Variants in WNK1 observed in about 807,000 individuals in gnomAD.
WNK1 encodes serine/threonine-protein kinase WNK1.
A neutral mutation model predicts 222.8 loss-of-function variants in WNK1; 38 were observed. The ratio of observed to expected loss-of-function variants is 0.17; its 90% CI spans 0.13 to 0.22. The LOEUF is 0.22. Ranked by LOEUF, WNK1 falls within the 10% of genes least tolerant of loss-of-function variation. The pLI is 1.00. For missense variants in WNK1, 2,348 were observed against 2,918.4 expected (o/e 0.80, Z 4.50); for synonymous variants, 1,090 against 1,092.9 (o/e 1.00, Z 0.05).
intron 21 of WNK1, 39 bp downstream of exon 21, chr12:889,262 C>T (rs1417871935): frequency 2.6e-6 from 4 of 1,528,168 alleles, no homozygotes; most frequent in Non-Finnish European, 2.7e-6. Flanking sequence ...CCTCATAACC[C>T]TAATATATTA....
At chr12:812,196 T>C (rs1317407536) in intron 1 of WNK1, among the ~76,000 whole-genome samples, 1 of 152,206 alleles carries the variant, frequency 6.6e-6, no homozygotes, top group Non-Finnish European at 1.5e-5. Context: ...ATGGGTTGTG[T>C]TGGACTTAAC....
At chr12:903,636 G>A (rs72650778) in intron 26 of WNK1, among the ~76,000 whole-genome samples, 50 of 152,246 alleles carry the variant, frequency 3.3e-4, no homozygotes, top group African/African-American at 9.9e-4. Flanking sequence ...AAATGAAAGT[G>A]GTCAGAAATA....
chr12:797,852 G>A (rs1436410243), intron 1 of WNK1, among the ~76,000 whole-genome samples: 2 of 151,316 alleles, frequency 1.3e-5, no homozygotes, highest in Non-Finnish European at 2.9e-5. Context: ...AGGAGGCTGA[G>A]ACAGGATAAT....
chr12:869,944 A>G (rs1360063294), intron 8 of WNK1, among the ~76,000 whole-genome samples: 4 of 152,310 alleles, frequency 2.6e-5, no homozygotes, highest in South Asian at 4.1e-4. Flanking sequence ...CACTTAGCAA[A>G]TAAAGACAAT....
intron 8 of WNK1, chr12:865,177 C>T (rs72649836): frequency 6.7e-7 from 1 of 1,500,668 alleles, no homozygotes; most frequent in Non-Finnish European, 8.9e-7. Flanking sequence ...TGTCCCGCAT[C>T]TCTCCCAGTG....
chr12:825,767 T>G (rs895055150), intron 2 of WNK1, among the ~76,000 whole-genome samples: 1 of 152,204 alleles, frequency 6.6e-6, no homozygotes, highest in African/African-American at 2.4e-5. Context: ...TAATAGAATA[T>G]GTAAGCATAT....
At chr12:868,726 T>A (rs764815768) in intron 8 of WNK1, 3 of 1,613,826 alleles carry the variant, frequency 1.9e-6, no homozygotes, top group African/African-American at 2.7e-5. Context: ...TGGACTTGAA[T>A]CAAGAAGAAC....
chr12:886,928 C>G (rs975670896), intron 19 of WNK1, among the ~76,000 whole-genome samples: 1 of 152,182 alleles, frequency 6.6e-6, no homozygotes, highest in Non-Finnish European at 1.5e-5. Context: ...AATATCTGGA[C>G]ACTGCCACTT....
chr12:856,292 A>G (rs1230164164), intron 4 of WNK1, among the ~76,000 whole-genome samples: 2 of 151,662 alleles, frequency 1.3e-5, no homozygotes, highest in Non-Finnish European at 2.9e-5. Context: ...CATCTGTACT[A>G]AAAATACAAA....
intron 1 of WNK1, among the ~76,000 whole-genome samples, chr12:777,284 T>G (rs2153961441): frequency 6.6e-6 from 1 of 151,550 alleles, no homozygotes; most frequent in Non-Finnish European, 1.5e-5. Flanking sequence ...CTCAGCCTCC[T>G]CAGTAGCTGG....
intron 8 of WNK1, among the ~76,000 whole-genome samples, chr12:870,339 AGTAAAAAATACCAG>A (rs1952035106): frequency 6.6e-6 from 1 of 152,218 alleles, no homozygotes; most frequent in Non-Finnish European, 1.5e-5. Context: ...GACTTTCCAA[AGTAAAAAATACCAG>A]GTAGTTAATT....
chr12:872,251 G>A (rs1256476239), intron 9 of WNK1, among the ~76,000 whole-genome samples: 3 of 152,046 alleles, frequency 2.0e-5, no homozygotes, highest in Non-Finnish European at 2.9e-5. Context: ...TCAGCCGCCC[G>A]AGTAGCTGGG....
At chr12:857,551 T>C (rs1219178877) in intron 5 of WNK1, among the ~76,000 whole-genome samples, 1 of 152,212 alleles carries the variant, frequency 6.6e-6, no homozygotes. Flanking sequence ...AAAAAAGAGT[T>C]TAATATCTAA....
chr12:898,458 C>T (rs1467962980), intron 25 of WNK1, among the ~76,000 whole-genome samples: 1 of 135,786 alleles, frequency 7.4e-6, no homozygotes, highest in Non-Finnish European at 1.5e-5. Flanking sequence ...ACTCCAGCCT[C>T]GGTGACAGAG....
At chr12:842,655 G>GTC (rs1045059575) in intron 4 of WNK1, among the ~76,000 whole-genome samples, 4 of 151,914 alleles carry the variant, frequency 2.6e-5, no homozygotes, top group African/African-American at 9.7e-5. Context: ...GTCCTTTTTT[G>GTC]TCAAGACCCA....
chr12:809,736 C>G (rs1300739557), intron 1 of WNK1, among the ~76,000 whole-genome samples: 1 of 152,022 alleles, frequency 6.6e-6, no homozygotes, highest in Non-Finnish European at 1.5e-5. Context: ...GCTGTTATAC[C>G]ATATAGGCCT....
At chr12:855,576 A>G (rs961976282) in intron 4 of WNK1, among the ~76,000 whole-genome samples, 1 of 152,156 alleles carries the variant, frequency 6.6e-6, no homozygotes, top group African/African-American at 2.4e-5. Context: ...CATTGACACT[A>G]TAGATAATCA....
intron 3 of WNK1, 120 bp from the exon 4 acceptor site, chr12:829,883 C>CT: frequency 9.3e-7 from 1 of 1,073,852 alleles, no homozygotes; most frequent in Non-Finnish European, 1.4e-6. Flanking sequence ...TCCCCCTTTC[C>CT]TTTTTTCTCC....
chr12:856,178 T>C (rs564199625), intron 4 of WNK1, among the ~76,000 whole-genome samples: 1 of 151,100 alleles, frequency 6.6e-6, no homozygotes, highest in East Asian at 2.0e-4. Context: ...CTGGGTATGG[T>C]GGCTCACGCC....
Sources: allele counts gnomAD v4.1 joint callset (sites outside exome capture counted in the v4.1 genomes callset), GRCh38; gene constraint gnomAD v4.1.1; transcripts MANE v1.5; gene names NCBI Gene and HGNC (gene_info 2026-07-23, HGNC 2026-07-21).